Variants in PDE4B observed in about 807,000 individuals in gnomAD.
The protein encoded by PDE4B is phosphodiesterase 4B, also known as 3',5'-cyclic-AMP phosphodiesterase 4B.
A neutral mutation model predicts 82.2 loss-of-function variants in PDE4B; 20 were observed. The observed-to-expected ratio is 0.24, with a 90% CI of 0.17 to 0.35. The LOEUF is 0.35. Ranked by LOEUF, PDE4B falls within the 10% of genes least tolerant of loss-of-function variation. The probability of loss-of-function intolerance (pLI) is 1.00; values close to 1 mark genes in which losing one functional copy is unlikely to be tolerated. For missense variants in PDE4B, 655 were observed against 907.2 expected (o/e 0.72, Z 3.57); for synonymous variants, 320 against 318.9 (o/e 1.00, Z -0.04).
chr1:66,128,693 T>G (rs1475868897), intron 3 of PDE4B, among the ~76,000 whole-genome samples: 1 of 152,162 alleles, frequency 6.6e-6, no homozygotes. Flanking sequence ...TACCCGAGAC[T>G]GGGTAATTTA....
chr1:66,036,770 A>G (rs956548862), intron 3 of PDE4B, among the ~76,000 whole-genome samples: 13 of 152,164 alleles, frequency 8.5e-5, no homozygotes, highest in African/African-American at 3.1e-4. Context: ...TGACGACTCC[A>G]GGTTTGTCCT....
chr1:66,046,570 G>A (rs1654726558), intron 3 of PDE4B, among the ~76,000 whole-genome samples: 1 of 151,778 alleles, frequency 6.6e-6, no homozygotes, highest in African/African-American at 2.4e-5. Flanking sequence ...CAGAACCTTT[G>A]TTCCTGGTGG....
chr1:65,931,416 T>C (rs1420893465), intron 3 of PDE4B, among the ~76,000 whole-genome samples: 1 of 152,170 alleles, frequency 6.6e-6, no homozygotes, highest in Non-Finnish European at 1.5e-5. Context: ...TTACAAAATA[T>C]CCTACAGACT....
chr1:66,209,909 G>A (rs994846033), intron 3 of PDE4B, among the ~76,000 whole-genome samples: 2 of 151,994 alleles, frequency 1.3e-5, no homozygotes, highest in Admixed American at 6.5e-5. Flanking sequence ...CATCACATTT[G>A]TTTTTCCATT....
chr1:66,296,581 T>C (rs1021725278), intron 7 of PDE4B, among the ~76,000 whole-genome samples: 2 of 152,156 alleles, frequency 1.3e-5, no homozygotes. Context: ...GGTTCCTCAT[T>C]TGCAAAATAG....
intron 1 of PDE4B, among the ~76,000 whole-genome samples, chr1:65,817,530 C>T (rs1370563943): frequency 1.3e-5 from 2 of 152,074 alleles, no homozygotes; most frequent in East Asian, 1.9e-4. Context: ...TTTTTACTGT[C>T]GCAGGTCAAA....
At chr1:66,023,869 T>C (rs1172006592) in intron 3 of PDE4B, among the ~76,000 whole-genome samples, 1 of 149,880 alleles carries the variant, frequency 6.7e-6, no homozygotes, top group Non-Finnish European at 1.5e-5. Context: ...ATTTCAGTTA[T>C]TATTTTGTTT....
intron 3 of PDE4B, among the ~76,000 whole-genome samples, chr1:66,140,151 T>C (rs1341949277): frequency 6.6e-6 from 1 of 152,208 alleles, no homozygotes; most frequent in African/African-American, 2.4e-5. Flanking sequence ...ATGCTTGTTT[T>C]AAACTGTTAT....
intron 1 of PDE4B, among the ~76,000 whole-genome samples, chr1:65,818,002 CA>C (rs897006042): frequency 1.5e-4 from 22 of 150,532 alleles, no homozygotes; most frequent in Middle Eastern, 6.9e-3. Context: ...CTCTAGTTGT[CA>C]AAAAAAAAGC....
intron 3 of PDE4B, among the ~76,000 whole-genome samples, chr1:65,995,021 G>A (rs1044556827): frequency 3.9e-5 from 6 of 152,062 alleles, no homozygotes; most frequent in African/African-American, 7.2e-5. Flanking sequence ...AGTTACCTAC[G>A]CTAATAAGAT....
chr1:66,332,489 C>T lies in PDE4B; in HGVS notation c.635-19C>T. The T allele has an allele frequency of 6.2e-7, 1 of 1,614,132 alleles. No homozygotes were observed. Among genetic ancestry groups the T allele is most frequent in the Non-Finnish European group, 8.5e-7 (1 of 1,180,032 alleles). On this transcript the variant is annotated intron_variant, in intron 7 of 16. Transcript: ENST00000341517. ...GCAGCCGCTCCAGCCTAACTACATG[C>T]CTGTGTGTTTGTTTGCAGAAGAATC...
At chr1:65,833,896 A>T (rs1327493960) in intron 1 of PDE4B, among the ~76,000 whole-genome samples, 1 of 152,136 alleles carries the variant, frequency 6.6e-6, no homozygotes, top group Non-Finnish European at 1.5e-5. Context: ...AAAATGCATC[A>T]CTTTCTAATT....
At chr1:66,321,492 G>GTAATT (rs1287985689) in intron 7 of PDE4B, among the ~76,000 whole-genome samples, 1 of 152,124 alleles carries the variant, frequency 6.6e-6, no homozygotes, top group Non-Finnish European at 1.5e-5. Flanking sequence ...CTGAGATTAG[G>GTAATT]TAATTTTCAA....
At chr1:65,989,360 G>A (rs1651119498) in intron 3 of PDE4B, among the ~76,000 whole-genome samples, 1 of 152,012 alleles carries the variant, frequency 6.6e-6, no homozygotes. Flanking sequence ...AATTAGCCAG[G>A]CATGGTGGTG....
chr1:66,122,205 C>A (rs1645723111), intron 3 of PDE4B, among the ~76,000 whole-genome samples: 1 of 152,196 alleles, frequency 6.6e-6, no homozygotes, highest in Admixed American at 6.5e-5. Flanking sequence ...ATGATAATAA[C>A]TACTGCATAA....
intron 3 of PDE4B, among the ~76,000 whole-genome samples, chr1:66,137,716 C>T (rs1000396425): frequency 5.9e-5 from 9 of 152,210 alleles, no homozygotes; most frequent in South Asian, 4.1e-4. Context: ...CCATCTTTAT[C>T]GGCCCATCAA....
At chr1:66,235,156 G>T (rs542551580) in intron 3 of PDE4B, among the ~76,000 whole-genome samples, 2 of 152,194 alleles carry the variant, frequency 1.3e-5, no homozygotes, top group African/African-American at 4.8e-5. Context: ...TTTGAGACTT[G>T]TTTTATAGAC....
chr1:66,239,266 G>T (rs1652695264), intron 3 of PDE4B, among the ~76,000 whole-genome samples: 1 of 152,114 alleles, frequency 6.6e-6, no homozygotes, highest in Non-Finnish European at 1.5e-5. Context: ...AGAATATTTT[G>T]TATACTCAAA....
chr1:66,315,617 G>A (rs1658975430), intron 7 of PDE4B, among the ~76,000 whole-genome samples: 1 of 151,940 alleles, frequency 6.6e-6, no homozygotes, highest in South Asian at 2.1e-4. Context: ...CACCACGCCG[G>A]GCTAATTTTT....
Sources: allele counts gnomAD v4.1 joint callset (sites outside exome capture counted in the v4.1 genomes callset), GRCh38; gene constraint gnomAD v4.1.1; transcripts MANE v1.5; gene names NCBI Gene and HGNC (gene_info 2026-07-23, HGNC 2026-07-21).